The following SCAPER variants were observed in gnomAD, a reference collection of about 807,000 sequenced individuals.
SCAPER encodes the protein S phase cyclin A-associated protein in the endoplasmic reticulum.
Under a neutral mutation model 182.2 loss-of-function variants are expected in SCAPER, and 98 were observed. The observed-to-expected ratio is 0.54, with a 90% CI of 0.46 to 0.64. The LOEUF (loss-of-function observed/expected upper bound fraction) is 0.64. Among genes scored for constraint, SCAPER ranks in the 30% least tolerant of loss-of-function variants. The probability of loss-of-function intolerance (pLI) is 0.00; values close to 1 mark genes in which losing one functional copy is unlikely to be tolerated. For missense variants in SCAPER, 1,432 were observed against 1,690.0 expected (o/e 0.85, Z 2.68); for synonymous variants, 605 against 564.6 (o/e 1.07, Z -1.01).
intron 20 of SCAPER, among the ~76,000 whole-genome samples, chr15:76,699,656 C>T (rs1455918754): frequency 6.6e-6 from 1 of 152,192 alleles, no homozygotes; most frequent in Non-Finnish European, 1.5e-5. Context: ...AGGCCCATGG[C>T]TTTGCTCTTA....
At chr15:76,707,398 G>A (rs1407932053) in intron 17 of SCAPER, among the ~76,000 whole-genome samples, 1 of 151,750 alleles carries the variant, frequency 6.6e-6, no homozygotes, top group Non-Finnish European at 1.5e-5. Flanking sequence ...ACAGATCTGA[G>A]ACACAAAAAC....
intron 14 of SCAPER, among the ~76,000 whole-genome samples, chr15:76,759,672 A>G (rs1351845237): frequency 3.9e-5 from 6 of 152,208 alleles, no homozygotes; most frequent in Admixed American, 3.9e-4. Flanking sequence ...TTTTTTCATG[A>G]AAGGATATTG....
At chr15:76,803,952 T>G (rs1766776787) in intron 6 of SCAPER, among the ~76,000 whole-genome samples, 1 of 152,202 alleles carries the variant, frequency 6.6e-6, no homozygotes, top group Non-Finnish European at 1.5e-5. Context: ...TGATTCCAAA[T>G]GAATCCTTCT....
intron 8 of SCAPER, among the ~76,000 whole-genome samples, chr15:76,775,614 T>C (rs1206274402): frequency 2.0e-5 from 3 of 152,148 alleles, no homozygotes; most frequent in African/African-American, 7.2e-5. Flanking sequence ...AAAAACTGTC[T>C]CTTCATCTTT....
intron 14 of SCAPER, among the ~76,000 whole-genome samples, chr15:76,762,948 C>T (rs1033740524): frequency 2.6e-5 from 4 of 152,188 alleles, no homozygotes; most frequent in Admixed American, 6.5e-5. Flanking sequence ...TGAGTCACCA[C>T]ACACAGCCTT....
rs2049679461 is a variant in SCAPER, at chr15:76,598,584, A to C, written c.2711+23180T>G. On this transcript the variant is annotated intron_variant, in intron 22 of 31. Coordinates refer to ENST00000563290, the MANE Select transcript of SCAPER (RefSeq NM_020843.4). ...CATCAATGATAGACTGGATAAAGAA[A>C]ATGTGGCATATATACACCATGGAAT... 1.6e-5 allele frequency among the ~76,000 whole-genome samples: 2 copies of C among 121,818 alleles called. 1 individual carries two copies. The highest frequency in any genetic ancestry group is 1.9e-4 in the Admixed American group (2 of 10,692). The allele number at this position is 121,818 out of a possible 152,430, so 79.9% of individuals were successfully genotyped here.
At chr15:76,350,349 G>A (rs2040452924) in intron 31 of SCAPER, 1 of 144,706 alleles carries the variant, frequency 6.9e-6, no homozygotes, top group South Asian at 2.3e-4. Flanking sequence ...TTCAACACCT[G>A]TCCACTGTAG....
At chr15:76,455,073 G>T (rs1005219101) in intron 25 of SCAPER, among the ~76,000 whole-genome samples, 2 of 151,944 alleles carry the variant, frequency 1.3e-5, no homozygotes, top group Non-Finnish European at 2.9e-5. Context: ...CATTATTTGT[G>T]CCTCTTCTTT....
intron 24 of SCAPER, among the ~76,000 whole-genome samples, chr15:76,477,055 G>C (rs574129567): frequency 1.3e-5 from 2 of 151,998 alleles, no homozygotes; most frequent in Non-Finnish European, 2.9e-5. Context: ...GAAAACTTAG[G>C]TGTTGAAGTT....
intron 28 of SCAPER, 149 bp downstream of exon 28, chr15:76,381,229 G>A (rs1480864770): frequency 4.7e-6 from 2 of 423,096 alleles, no homozygotes; most frequent in Non-Finnish European, 7.9e-6. Context: ...CCAGAAAATA[G>A]TAGTTTAATA....
At chr15:76,374,586 A>C (rs1384201947) in intron 29 of SCAPER, among the ~76,000 whole-genome samples, 1 of 149,630 alleles carries the variant, frequency 6.7e-6, no homozygotes, top group Non-Finnish European at 1.5e-5. Flanking sequence ...GGTTCAAGCG[A>C]TTCTCCTGCC....
chr15:76,707,459 A>T (rs2059318791), intron 17 of SCAPER, among the ~76,000 whole-genome samples: 1 of 152,128 alleles, frequency 6.6e-6, no homozygotes. Flanking sequence ...TGAATAGTAG[A>T]TACGGCTATA....
intron 5 of SCAPER, among the ~76,000 whole-genome samples, chr15:76,813,833 G>T (rs1376201848): frequency 1.3e-5 from 2 of 152,112 alleles, no homozygotes; most frequent in African/African-American, 4.8e-5. Flanking sequence ...TAAACAGAAA[G>T]CTATTCCATG....
intron 21 of SCAPER, among the ~76,000 whole-genome samples, chr15:76,647,795 T>C (rs970086229): frequency 2.0e-5 from 3 of 152,220 alleles, no homozygotes; most frequent in East Asian, 1.9e-4. Flanking sequence ...GCTGTCATAT[T>C]TGAGGATACT....
chr15:76,539,326 C>T (rs534343947), intron 23 of SCAPER, among the ~76,000 whole-genome samples: 40 of 152,024 alleles, frequency 2.6e-4, no homozygotes, highest in Non-Finnish European at 5.0e-4. Flanking sequence ...ATAGAACTCC[C>T]AAGAAGAGAA....
At chr15:76,869,432 CA>C (rs2072537832) in intron 2 of SCAPER, among the ~76,000 whole-genome samples, 1 of 151,480 alleles carries the variant, frequency 6.6e-6, no homozygotes, top group Non-Finnish European at 1.5e-5. Flanking sequence ...ACAAATAATC[CA>C]AATTAAAAAT....
intron 22 of SCAPER, among the ~76,000 whole-genome samples, chr15:76,588,658 T>A (rs895587153): frequency 6.6e-6 from 1 of 152,158 alleles, no homozygotes; most frequent in Non-Finnish European, 1.5e-5. Context: ...CTGTATAACT[T>A]GTTTGTCTTT....
chr15:76,856,455 T>C (rs190890218), intron 4 of SCAPER, among the ~76,000 whole-genome samples: 375 of 151,334 alleles, frequency 2.5e-3, no homozygotes, highest in Non-Finnish European at 4.4e-3. Flanking sequence ...TATATACATG[T>C]ATATGTGTAT....
chr15:76,536,491 T>C (rs2044173205), intron 23 of SCAPER, among the ~76,000 whole-genome samples: 1 of 152,220 alleles, frequency 6.6e-6, no homozygotes, highest in East Asian at 1.9e-4. Flanking sequence ...TTAATGGTAA[T>C]GAGTTATGAG....
Sources: allele counts gnomAD v4.1 joint callset (sites outside exome capture counted in the v4.1 genomes callset), GRCh38; gene constraint gnomAD v4.1.1; transcripts MANE v1.5; gene names NCBI Gene and HGNC (gene_info 2026-07-23, HGNC 2026-07-21).